SH3GL2: variants seen among roughly 807,000 people sequenced by gnomAD.
SH3GL2 encodes the protein SH3 domain containing GRB2 like 2, endophilin A1.
A neutral mutation model predicts 46.0 loss-of-function variants in SH3GL2; 24 were observed. The ratio of observed to expected loss-of-function variants is 0.52; its 90% confidence interval spans 0.38 to 0.73. The LOEUF is 0.73. SH3GL2 is among the 30% of genes least tolerant of loss of function. The probability of loss-of-function intolerance (pLI) is 0.00; values close to 1 mark genes in which losing one functional copy is unlikely to be tolerated. For missense variants in SH3GL2, 413 were observed against 424.2 expected, an observed-to-expected ratio of 0.97 and a Z score of 0.23; for synonymous variants, 196 against 147.1, an observed-to-expected ratio of 1.33 and a Z score of -2.40.
At chr9:17,642,743 T>G (rs563626273) in intron 1 of SH3GL2, among the ~76,000 whole-genome samples, 20 of 152,354 alleles carry the variant, frequency 1.3e-4, no homozygotes, top group African/African-American at 4.8e-4. Context: ...CCATACTGTT[T>G]TGGTTACTGT....
At chr9:17,677,849 A>T (rs1820653057) in intron 1 of SH3GL2, among the ~76,000 whole-genome samples, 1 of 150,258 alleles carries the variant, frequency 6.7e-6, no homozygotes, top group Non-Finnish European at 1.5e-5. Context: ...CTCATTGTTC[A>T]ATTCCCACCT....
At chr9:17,693,269 T>C (rs1821127057) in intron 1 of SH3GL2, among the ~76,000 whole-genome samples, 1 of 152,120 alleles carries the variant, frequency 6.6e-6, no homozygotes, top group African/African-American at 2.4e-5. Flanking sequence ...AGACTTTTGG[T>C]TGCTGGTGAT....
At chr9:17,740,104 T>C (rs886454047) in intron 1 of SH3GL2, among the ~76,000 whole-genome samples, 1 of 152,156 alleles carries the variant, frequency 6.6e-6, no homozygotes, top group African/African-American at 2.4e-5. Context: ...AAAAGGAAAC[T>C]TTCCAATTTT....
At chr9:17,723,284 A>G (rs942966118) in intron 1 of SH3GL2, among the ~76,000 whole-genome samples, 1 of 152,040 alleles carries the variant, frequency 6.6e-6, no homozygotes, top group Non-Finnish European at 1.5e-5. Flanking sequence ...CCAAACTTCA[A>G]TATATTATAT....
At chr9:17,766,649 C>A (rs574883392) in intron 3 of SH3GL2, among the ~76,000 whole-genome samples, 3 of 152,072 alleles carry the variant, frequency 2.0e-5, no homozygotes, top group Non-Finnish European at 4.4e-5. Context: ...ATATTAACCA[C>A]TATTAAAAAT....
intron 1 of SH3GL2, among the ~76,000 whole-genome samples, chr9:17,719,606 A>T (rs1563825867): frequency 6.6e-6 from 1 of 152,112 alleles, no homozygotes. Context: ...CCTGGGCAAC[A>T]TAACAAGACC....
At chr9:17,598,064 T>C (rs902249197) in intron 1 of SH3GL2, among the ~76,000 whole-genome samples, 3 of 152,154 alleles carry the variant, frequency 2.0e-5, no homozygotes, top group Admixed American at 1.3e-4. Flanking sequence ...CAAAGAACAA[T>C]GCTAGGGCAC....
At chr9:17,650,599 C>T (rs1029387873) in intron 1 of SH3GL2, among the ~76,000 whole-genome samples, 1 of 152,122 alleles carries the variant, frequency 6.6e-6, no homozygotes, top group Admixed American at 6.6e-5. Flanking sequence ...CCTCCTGATC[C>T]GCCCGCTTCA....
At chr9:17,791,416 A>T (rs1824126099) in intron 7 of SH3GL2, 82 bp downstream of exon 7, 1 of 1,014,322 alleles carries the variant, frequency 9.9e-7, no homozygotes, top group African/African-American at 1.6e-5. Context: ...CATAGAATAC[A>T]TTTGGAGACA....
At chr9:17,781,693 G>C (rs898072014) in intron 3 of SH3GL2, among the ~76,000 whole-genome samples, 2 of 152,016 alleles carry the variant, frequency 1.3e-5, no homozygotes, top group Admixed American at 6.6e-5. Context: ...TGAGAGTTCT[G>C]GTTGTTCCAA....
chr9:17,688,062 C>A (rs1483063583), intron 1 of SH3GL2, among the ~76,000 whole-genome samples: 2 of 152,070 alleles, frequency 1.3e-5, no homozygotes, highest in Admixed American at 6.6e-5. Flanking sequence ...CTGCTCCCTG[C>A]TTTCACCTAA....
chr9:17,789,169 A>G (rs1236385147), intron 5 of SH3GL2, among the ~76,000 whole-genome samples: 1 of 152,152 alleles, frequency 6.6e-6, no homozygotes, highest in Admixed American at 6.5e-5. Context: ...ATTTCCTATA[A>G]TTTATCTTTT....
intron 1 of SH3GL2, among the ~76,000 whole-genome samples, chr9:17,652,093 T>C (rs561827294): frequency 1.3e-5 from 2 of 152,286 alleles, no homozygotes; most frequent in African/African-American, 4.8e-5. Context: ...TTTTCTGCTT[T>C]CACATTTCTG....
chr9:17,778,092 G>A (rs1197698027), intron 3 of SH3GL2, among the ~76,000 whole-genome samples: 4 of 152,008 alleles, frequency 2.6e-5, no homozygotes, highest in Non-Finnish European at 5.9e-5. Flanking sequence ...TACCATACTG[G>A]TCATAGCCTC....
At chr9:17,742,522 C>A (rs1030618210) in intron 1 of SH3GL2, among the ~76,000 whole-genome samples, 1 of 152,072 alleles carries the variant, frequency 6.6e-6, no homozygotes, top group African/African-American at 2.4e-5. Context: ...GAAATTTGAG[C>A]TGTTTGAAAT....
chr9:17,597,747 A>G (rs571632083), intron 1 of SH3GL2, among the ~76,000 whole-genome samples: 1 of 152,290 alleles, frequency 6.6e-6, no homozygotes, highest in South Asian at 2.1e-4. Flanking sequence ...CTATCCATTA[A>G]TAAGCTACTC....
chr9:17,687,123 A>C (rs1324610991), intron 1 of SH3GL2, among the ~76,000 whole-genome samples: 3 of 152,112 alleles, frequency 2.0e-5, no homozygotes, highest in African/African-American at 7.2e-5. Flanking sequence ...TAGCATTAAA[A>C]AATTCTAAGC....
intron 1 of SH3GL2, among the ~76,000 whole-genome samples, chr9:17,679,931 T>G (rs1239761811): frequency 6.6e-6 from 1 of 152,184 alleles, no homozygotes; most frequent in Non-Finnish European, 1.5e-5. Context: ...TGGATTACGT[T>G]TATTGATTTG....
At chr9:17,677,083 T>A (rs1453947943) in intron 1 of SH3GL2, among the ~76,000 whole-genome samples, 1 of 152,160 alleles carries the variant, frequency 6.6e-6, no homozygotes, top group Admixed American at 6.5e-5. Context: ...CTGCAGTCAC[T>A]CCTGTGGACT....
Sources: gnomAD v4.1 joint callset for allele counts (sites outside exome capture counted in the v4.1 genomes callset) on GRCh38, gnomAD v4.1.1 for gene constraint, MANE v1.5 for transcripts, NCBI Gene and HGNC (gene_info 2026-07-23, HGNC 2026-07-21) for gene names.